The following GAREM1 variants were observed in gnomAD, a reference collection of about 807,000 sequenced individuals.
GAREM1 encodes the protein GRB2 associated regulator of MAPK1 subtype 1, also known as GRB2-associated and regulator of MAPK protein 1.
GAREM1 carries 26 observed loss-of-function variants against 71.3 expected under a neutral mutation model. That is an observed-to-expected ratio of 0.36 (90% CI 0.27 to 0.51). GAREM1 has a LOEUF of 0.51. GAREM1 is among the 20% of genes least tolerant of loss of function. The pLI is 0.95. For missense variants in GAREM1, 1,026 were observed against 1,103.1 expected (o/e 0.93, Z 0.99); for synonymous variants, 440 against 433.2 (o/e 1.02, Z -0.20).
intron 2 of GAREM1, among the ~76,000 whole-genome samples, chr18:32,379,824 T>TA (rs1322506775): frequency 1.3e-5 from 2 of 152,150 alleles, no homozygotes; most frequent in African/African-American, 2.4e-5. Flanking sequence ...CTCACACAGA[T>TA]ACATGTGAAA....
chr18:32,286,992 GA>G, intron 4 of GAREM1, 38 bp downstream of exon 4: 1 of 1,420,484 alleles, frequency 7.0e-7, no homozygotes, highest in South Asian at 1.2e-5. Context: ...CAGAGAGACA[GA>G]AAGACTGGCA....
chr18:32,351,676 A>G (rs1172285343), intron 2 of GAREM1, among the ~76,000 whole-genome samples: 2 of 151,762 alleles, frequency 1.3e-5, no homozygotes, highest in East Asian at 1.9e-4. Flanking sequence ...GGAAAAGTAA[A>G]TATCTCTCAA....
Position 32,267,714 on chromosome 18 carries a change from T to C in GAREM1, c.*157A>G. The C allele has an allele frequency of 1.6e-6, 1 of 612,634 alleles. No individual in the cohort carries two copies. The highest frequency in any genetic ancestry group is 2.8e-6 in the Non-Finnish European group (1 of 351,282). The allele number at this position is 612,634 out of a possible 1,614,324, so 37.9% of individuals were successfully genotyped here. A position where few individuals can be genotyped will look rare whatever the true frequency, so the allele number is the denominator to read the frequency against. On this transcript the variant is annotated 3_prime_UTR_variant, in exon 6 of 6. Coordinates refer to ENST00000269209, the MANE Select transcript of GAREM1 (RefSeq NM_001242409.2). ...TTTTATTGATGTACAAAATAGCCTG[T>C]TCACCATTCAAAAACGTAATCTGCA... is the stretch of plus-strand genomic sequence containing the variant.
At chr18:32,410,050 G>A (rs565749592) in intron 1 of GAREM1, among the ~76,000 whole-genome samples, 1 of 152,300 alleles carries the variant, frequency 6.6e-6, no homozygotes, top group Admixed American at 6.5e-5. Flanking sequence ...TTTGTGCAAT[G>A]TGTGTATTTT....
At chr18:32,318,957 A>G (rs1025808715) in intron 2 of GAREM1, among the ~76,000 whole-genome samples, 1 of 152,210 alleles carries the variant, frequency 6.6e-6, no homozygotes, top group Non-Finnish European at 1.5e-5. Flanking sequence ...TAATGTGAGG[A>G]AAAAGATTAA....
intron 1 of GAREM1, among the ~76,000 whole-genome samples, chr18:32,463,216 CAATTAAA>C (rs1238834413): frequency 6.6e-6 from 1 of 151,798 alleles, no homozygotes; most frequent in Admixed American, 6.6e-5. Context: ...ATGATTGTGT[CAATTAAA>C]AATTAAAAAG....
At chr18:32,440,294 C>A (rs557675229) in intron 1 of GAREM1, among the ~76,000 whole-genome samples, 86 of 152,264 alleles carry the variant, frequency 5.6e-4, no homozygotes, top group African/African-American at 1.9e-3. Flanking sequence ...CACACGGCTT[C>A]TACATGACTC....
Position 32,432,613 on chromosome 18 carries a change from C to A in GAREM1, c.121+37695G>T, listed in dbSNP as rs186627822. Among the ~76,000 whole-genome samples the A allele has an allele frequency of 1.8e-3, 278 of 152,160 alleles. 1 individual carries two copies. Among genetic ancestry groups the A allele is most frequent in the African/African-American group, 6.2e-3 (258 of 41,528 alleles). On this transcript the variant is annotated intron_variant, in intron 1 of 5. Coordinates refer to ENST00000269209, the MANE Select transcript of GAREM1 (RefSeq NM_001242409.2). ...ATCAATATTAGAAAAGAGGGAATGT[C>A]ACTACTGATCTAACAGACATGAAAA...
intron 1 of GAREM1, among the ~76,000 whole-genome samples, chr18:32,428,183 T>C (rs2048592335): frequency 6.6e-6 from 1 of 152,230 alleles, no homozygotes; most frequent in Admixed American, 6.5e-5. Flanking sequence ...GCAAGTTTGA[T>C]AAATTTTGTA....
rs192604947 is a variant in GAREM1 at position 32,270,516 on chromosome 18, T to C, written c.1567-133A>G. The C allele has an allele frequency of 1.0e-3, 704 of 695,600 alleles. 3 individuals are homozygous for C. The highest frequency in any genetic ancestry group is 4.9e-3 in the Middle Eastern group (12 of 2,436). 43.1% of individuals were successfully genotyped at this position (695,600 alleles called of 1,614,324 possible). ...GGGTGTAAGCATGGCAGAGAGAAGA[T>C]TGAAGTAAACAAGAATGATAGGAAG... On this transcript the variant is annotated intron_variant, in intron 4 of 5. Coordinates refer to ENST00000269209, the MANE Select transcript of GAREM1 (RefSeq NM_001242409.2).
intron 1 of GAREM1, among the ~76,000 whole-genome samples, chr18:32,466,600 AG>A (rs1355358890): frequency 5.9e-5 from 9 of 152,204 alleles, no homozygotes; most frequent in Admixed American, 5.9e-4. Context: ...ACAAGCCTTC[AG>A]GGTCTATCCA....
intron 4 of GAREM1, among the ~76,000 whole-genome samples, chr18:32,275,491 G>A (rs943481046): frequency 2.0e-5 from 3 of 152,156 alleles, no homozygotes; most frequent in Non-Finnish European, 2.9e-5. Flanking sequence ...TTCAGGTTAT[G>A]AGTACCTTGA....
chr18:32,427,675 A>G (rs1037684546), intron 1 of GAREM1, among the ~76,000 whole-genome samples: 51 of 152,350 alleles, frequency 3.3e-4, no homozygotes, highest in African/African-American at 1.2e-3. Flanking sequence ...ACACGTGAAG[A>G]TAAGTGATAC....
chr18:32,364,018 ATATATATATGTTT>A (rs1271870547), intron 2 of GAREM1, among the ~76,000 whole-genome samples: 5 of 48,200 alleles, frequency 1.0e-4, no homozygotes, highest in African/African-American at 7.6e-4. Flanking sequence ...ATATATATAT[ATATATATATGTTT>A]TTTTTTTTTT....
chr18:32,331,291 A>G (rs2144556835), intron 2 of GAREM1, among the ~76,000 whole-genome samples: 1 of 152,342 alleles, frequency 6.6e-6, no homozygotes, highest in Non-Finnish European at 1.5e-5. Context: ...GAAGAGTTTA[A>G]CATTTCTCTA....
intron 2 of GAREM1, among the ~76,000 whole-genome samples, chr18:32,373,091 C>T (rs2047999896): frequency 1.3e-5 from 2 of 152,112 alleles, no homozygotes; most frequent in South Asian, 2.1e-4. Flanking sequence ...AGAAGATTTA[C>T]AAGTATTCAT....
chr18:32,275,765 G>A (rs767671499), intron 4 of GAREM1, among the ~76,000 whole-genome samples: 3 of 151,998 alleles, frequency 2.0e-5, no homozygotes, highest in Admixed American at 2.0e-4. Flanking sequence ...CGCAACCTCC[G>A]CCTCCCAGGT....
intron 3 of GAREM1, among the ~76,000 whole-genome samples, chr18:32,296,652 C>T (rs1390016388): frequency 6.6e-6 from 1 of 151,102 alleles, no homozygotes; most frequent in Non-Finnish European, 1.5e-5. Context: ...TTTCTTTTTC[C>T]ATAGGACTTG....
rs898467222 is a variant in GAREM1, at chr18:32,266,375, C to T, written c.*1496G>A. On this transcript the variant is annotated 3_prime_UTR_variant, in exon 6 of 6. Transcript: ENST00000269209. ...TGCTGCCGCCTCACTGGCTGACCTT[C>T]CTATTCAAGAGGGCACTGTGTGCAC... 6.6e-6 allele frequency: 1 copy of T among 151,968 alleles called. No homozygotes were observed. The highest frequency in any genetic ancestry group is 2.4e-5 in the African/African-American group (1 of 41,392). The allele number at this position is 151,968 out of a possible 1,614,324, so 9.4% of individuals were successfully genotyped here. A position where few individuals can be genotyped will look rare whatever the true frequency, so the allele number is the denominator to read the frequency against.
Sources: gnomAD v4.1 joint callset for allele counts (sites outside exome capture counted in the v4.1 genomes callset) on GRCh38, gnomAD v4.1.1 for gene constraint, MANE v1.5 for transcripts, NCBI Gene and HGNC (gene_info 2026-07-23, HGNC 2026-07-21) for gene names.